The following TAF4 variants were observed in gnomAD, a reference collection of about 807,000 sequenced individuals.
The protein encoded by TAF4 is transcription initiation factor TFIID subunit 4.
A neutral mutation model predicts 90.3 loss-of-function variants in TAF4; 9 were observed. That is an observed-to-expected ratio of 0.10 (90% CI 0.06 to 0.17). The LOEUF is 0.17. Ranked by LOEUF, TAF4 falls within the 10% of genes least tolerant of loss-of-function variation. The pLI is 1.00. For synonymous variants in TAF4, 818 were observed against 638.9 expected (o/e 1.28, Z -4.23); for missense variants, 1,351 against 1,370.7 (o/e 0.99, Z 0.23).
chr20:62,014,504 G>A, intron 2 of TAF4, 43 bp downstream of exon 2: 4 of 1,553,796 alleles, frequency 2.6e-6, no homozygotes, highest in Non-Finnish European at 3.5e-6. Flanking sequence ...GAGAGGGGCT[G>A]GGCAGGGAAG....
At chr20:62,000,500 C>A in intron 10 of TAF4, 52 bp downstream of exon 10, 1 of 1,579,872 alleles carries the variant, frequency 6.3e-7, no homozygotes, top group South Asian at 1.2e-5. Flanking sequence ...AGCTCCCATG[C>A]CCCAGCAGCG....
chr20:62,057,609 A>G, intron 1 of TAF4, among the ~76,000 whole-genome samples: 1 of 148,158 alleles, frequency 6.7e-6, no homozygotes, highest in African/African-American at 2.5e-5. Flanking sequence ...GGGCCCAGCA[A>G]GACCTCAGGA....
chr20:61,976,680 C>A (rs2055496804), intron 14 of TAF4, among the ~76,000 whole-genome samples: 1 of 152,246 alleles, frequency 6.6e-6, no homozygotes, highest in Non-Finnish European at 1.5e-5. Flanking sequence ...CATGTGACCA[C>A]AGCTGGACTG....
At chr20:62,047,684 C>G in intron 1 of TAF4, among the ~76,000 whole-genome samples, 1 of 152,250 alleles carries the variant, frequency 6.6e-6, no homozygotes, top group East Asian at 1.9e-4. Context: ...GCTGCAGCCT[C>G]TGCCTCTGCC....
intron 1 of TAF4, among the ~76,000 whole-genome samples, chr20:62,043,255 G>A (rs2055974207): frequency 6.6e-6 from 1 of 152,106 alleles, no homozygotes; most frequent in Non-Finnish European, 1.5e-5. Context: ...GGAGGTCAAG[G>A]CTGCAGTAAG....
rs1032633591 is a variant in TAF4, at chr20:62,065,715, C to T, written c.96G>A (p.Gln32=). The T allele has an allele frequency of 3.1e-6, 4 of 1,302,464 alleles. No individual in the cohort carries two copies. Among genetic ancestry groups the T allele is most frequent in the African/African-American group, 1.6e-5 (1 of 63,542 alleles). The allele number at this position is 1,302,464 out of a possible 1,614,324, so 80.7% of individuals were successfully genotyped here. The change falls in exon 1 of 15, where the codon CAG becomes CAA. Residue 32 remains glutamine, a synonymous_variant. Coordinates refer to ENST00000252996, the MANE Select transcript of TAF4 (RefSeq NM_003185.4). ...GGTGGTGGGCCGCGCTGGCCGCCAG[C>T]TGCGACTCCAGCGAGCCCACCAGGT... ...VSDLVGSLES[Q]LAASAAHHHH...
chr20:61,976,621 G>A (rs3787421), intron 14 of TAF4, among the ~76,000 whole-genome samples: 14,686 of 152,266 alleles, frequency 0.096, 1,201 homozygotes, highest in East Asian at 0.44. Context: ...TGGACTAGGG[G>A]GTGGCACCCA....
intron 14 of TAF4, among the ~76,000 whole-genome samples, chr20:61,991,905 A>G (rs902494513): frequency 6.6e-6 from 1 of 152,136 alleles, no homozygotes; most frequent in Non-Finnish European, 1.5e-5. Flanking sequence ...CGTGGCCTAC[A>G]GGAGGTAAAA....
chr20:62,024,802 G>A (rs1363286240), intron 1 of TAF4, among the ~76,000 whole-genome samples: 5 of 151,918 alleles, frequency 3.3e-5, no homozygotes, highest in African/African-American at 4.8e-5. Context: ...CCCAGGAGGC[G>A]GAGCTTACAG....
chr20:62,007,496 C>T, intron 6 of TAF4, 51 bp downstream of exon 6: 1 of 1,567,300 alleles, frequency 6.4e-7, no homozygotes, highest in Non-Finnish European at 8.8e-7. Flanking sequence ...CATCTGCGCC[C>T]CACCCCTCCC....
intron 14 of TAF4, among the ~76,000 whole-genome samples, chr20:61,993,758 G>GT (rs1244164110): frequency 1.3e-5 from 2 of 151,910 alleles, no homozygotes; most frequent in East Asian, 1.9e-4. Flanking sequence ...TTTTTTGTTT[G>GT]TTTTTTGTTT....
At chr20:61,989,284 C>A (rs1435166560) in intron 14 of TAF4, among the ~76,000 whole-genome samples, 1 of 131,418 alleles carries the variant, frequency 7.6e-6, no homozygotes, top group Non-Finnish European at 1.6e-5. Flanking sequence ...CCTCTCAACA[C>A]CAGACTCTAC....
intron 14 of TAF4, among the ~76,000 whole-genome samples, chr20:61,977,509 T>TCC (rs948459654): frequency 6.6e-6 from 1 of 151,932 alleles, no homozygotes; most frequent in Non-Finnish European, 1.5e-5. Context: ...CCGTCCTTCC[T>TCC]CCCCCCTTCC....
intron 1 of TAF4, among the ~76,000 whole-genome samples, chr20:62,031,938 CA>C (rs1045472526): frequency 1.6e-4 from 25 of 152,028 alleles, no homozygotes; most frequent in Non-Finnish European, 3.7e-4. Context: ...CACTTCCAAA[CA>C]AAAGTTCCAG....
rs1169664455 is a variant in TAF4, at chr20:62,014,033, T to TGGGTGTGTGG, written c.1521+513_1521+514insCCACACACCC. On this transcript the variant is annotated intron_variant, in intron 2 of 14. Coordinates refer to ENST00000252996, the MANE Select transcript of TAF4 (RefSeq NM_003185.4). ...GCGGGGGTGTGGGTGTGTGTGTGTGTGTGTGTGTGTGTATGTGTGTGTGTG... is the reference window on the plus strand; with the variant it reads ...GCGGGGGTGTGGGTGTGTGTGTGTGTGGGTGTGTGGGTGTGTGTGTGTATGTGTGTGTGTG... 3.0e-3 allele frequency among the ~76,000 whole-genome samples: 426 copies of TGGGTGTGTGG among 143,390 alleles called. 5 individuals carry two copies. The highest frequency in any genetic ancestry group is 0.011 in the African/African-American group (410 of 37,334). The allele number at this position is 143,390 out of a possible 152,430, so 94.1% of individuals were successfully genotyped here.
chr20:61,997,215 C>T (rs1214803396), intron 14 of TAF4, among the ~76,000 whole-genome samples: 1 of 152,208 alleles, frequency 6.6e-6, no homozygotes, highest in Non-Finnish European at 1.5e-5. Flanking sequence ...GCTTATCCCA[C>T]AGACACTGTG....
At chr20:62,008,412 C>T (rs2055759590) in intron 5 of TAF4, among the ~76,000 whole-genome samples, 1 of 152,074 alleles carries the variant, frequency 6.6e-6, no homozygotes, top group Admixed American at 6.6e-5. Flanking sequence ...GGTGGACAGC[C>T]GAGAGCTCGG....
chr20:62,006,739 C>A lies in TAF4; in HGVS notation c.1994G>T (p.Arg665Ile), dbSNP rs1289551735. ...GGCCGCGGAGTCGGGGGTCAGCTGT[C>A]TCAAGGCGGGTAAGCTCCTCTGGGT... ...PFLKRSLPAL[R>I]QLTPDSAAFI... The change falls in exon 7 of 15, where the codon AGA becomes ATA. Residue 665 changes from arginine (R) to isoleucine (I), a missense_variant. By Grantham distance (97) the Arg-to-Ile change is moderately conservative. Transcript: ENST00000252996. The surrounding 1 kb of genome is among the most constrained non-coding windows in gnomAD (Gnocchi z 7.0). 6.5e-7 allele frequency: 1 copy of A among 1,534,250 alleles called. No individual in the cohort carries two copies.
At chr20:62,030,147 G>A (rs2055897079) in intron 1 of TAF4, among the ~76,000 whole-genome samples, 1 of 152,240 alleles carries the variant, frequency 6.6e-6, no homozygotes, top group African/African-American at 2.4e-5. Flanking sequence ...CACAAGGAGA[G>A]GAGGCAGCAG....
Sources: allele counts gnomAD v4.1 joint callset (sites outside exome capture counted in the v4.1 genomes callset), GRCh38; gene constraint gnomAD v4.1.1; non-coding constraint Gnocchi (gnomAD v3.1); transcripts MANE v1.5; gene names NCBI Gene and HGNC (gene_info 2026-07-23, HGNC 2026-07-21).